The following INTS3 variants were observed in gnomAD, a reference collection of about 807,000 sequenced individuals.
The protein encoded by INTS3 is integrator complex subunit 3, also known as SOSS complex subunit A.
INTS3 carries 34 observed loss-of-function variants against 146.3 expected under a neutral mutation model. That is an observed-to-expected ratio of 0.23 (90% CI 0.18 to 0.31). The LOEUF (loss-of-function observed/expected upper bound fraction) is 0.31, where lower values mean the gene tolerates loss of function less well. INTS3 is among the 10% of genes least tolerant of loss of function. INTS3 has a pLI of 1.00. For missense variants in INTS3, 757 were observed against 1,304.2 expected (o/e 0.58, Z 6.46); for synonymous variants, 475 against 494.9 (o/e 0.96, Z 0.53).
chr1:153,754,178 AC>A (rs1672075890), intron 8 of INTS3, among the ~76,000 whole-genome samples: 1 of 152,152 alleles, frequency 6.6e-6, no homozygotes, highest in Non-Finnish European at 1.5e-5. Flanking sequence ...GGCACATCTC[AC>A]GCATGAGTGT....
intron 8 of INTS3, 73 bp downstream of exon 8, chr1:153,752,481 G>A (rs1671995306): frequency 2.0e-6 from 3 of 1,471,044 alleles, no homozygotes; most frequent in Non-Finnish European, 2.8e-6. Context: ...GAATCAAGAA[G>A]GTAGAGGTTG....
At chr1:153,770,887 GA>G (rs1482234016) in intron 25 of INTS3, among the ~76,000 whole-genome samples, 154 bp downstream of exon 25, 2 of 152,138 alleles carry the variant, frequency 1.3e-5, no homozygotes, top group Admixed American at 1.3e-4. Flanking sequence ...ACTTACAAAT[GA>G]GCAGCTCCCC....
Position 153,771,857 on chromosome 1 carries a change from A to G in INTS3, c.2614A>G (p.Thr872Ala). 1 of 1,614,058 alleles carries G rather than the reference A, an allele frequency of 6.2e-7. No homozygotes were observed. The highest frequency in any genetic ancestry group is 1.1e-5 in the South Asian group (1 of 91,076). ...GCCCTGCCATCCTGACGACCAGTTC[A>G]CCACCAGCATCCTGCGGCACTGGTG... ...SRPCHPDDQFTTSILRHWCMK... is the reference protein window; with the variant it reads ...SRPCHPDDQFATSILRHWCMK... The change falls in exon 26 of 30, where the codon ACC becomes GCC. Residue 872 changes from threonine (T) to alanine (A), a missense_variant. Thr to Ala is a moderately conservative substitution (Grantham distance 58). This residue lies in a region of INTS3 where 116 missense variants were observed against 226.5 expected (regional missense o/e 0.51). Transcript: ENST00000318967.
intron 1 of INTS3, 133 bp downstream of exon 1, chr1:153,728,917 C>G: frequency 3.3e-6 from 2 of 599,598 alleles, no homozygotes; most frequent in Non-Finnish European, 5.7e-6. Flanking sequence ...AACACAAACA[C>G]TGCTCCAGCT....
chr1:153,770,362 A>G (rs761852199), intron 24 of INTS3, 51 bp downstream of exon 24: 2 of 1,138,906 alleles, frequency 1.8e-6, no homozygotes, highest in Non-Finnish European at 2.7e-6. Context: ...CTTCCTATAC[A>G]GTTAGGGCAA....
intron 23 of INTS3, 142 bp from the exon 24 acceptor site, chr1:153,770,056 G>GGGGGT: frequency 2.2e-6 from 1 of 452,604 alleles, no homozygotes; most frequent in Non-Finnish European, 3.8e-6. Context: ...TCAGTGGATT[G>GGGGGT]GGGTGTGTGT....
intron 22 of INTS3, 90 bp downstream of exon 22, chr1:153,769,051 G>A: frequency 9.5e-7 from 1 of 1,054,362 alleles, no homozygotes; most frequent in Non-Finnish European, 1.5e-6. Context: ...CTGCAGACAG[G>A]GAGCCCATGC....
intron 2 of INTS3, 149 bp from the exon 3 acceptor site, chr1:153,741,136 C>T (rs1671519242): frequency 1.1e-5 from 8 of 696,838 alleles, no homozygotes; most frequent in Non-Finnish European, 1.8e-5. Flanking sequence ...TTAAAAATCT[C>T]TTTTAAGAGA....
At chr1:153,754,898 T>G (rs900238522) in intron 9 of INTS3, among the ~76,000 whole-genome samples, 159 bp downstream of exon 9, 3 of 152,248 alleles carry the variant, frequency 2.0e-5, no homozygotes, top group African/African-American at 7.2e-5. Flanking sequence ...CTTTATTCAT[T>G]CTGTGCCTAC....
At chr1:153,769,164 A>G (rs1270745693) in intron 22 of INTS3, among the ~76,000 whole-genome samples, 3 of 152,216 alleles carry the variant, frequency 2.0e-5, no homozygotes, top group South Asian at 2.1e-4. Context: ...GGTTAGGCCA[A>G]TCCTGCCTGG....
intron 25 of INTS3, among the ~76,000 whole-genome samples, chr1:153,771,300 A>G (rs1162864929): frequency 6.6e-6 from 1 of 151,870 alleles, no homozygotes; most frequent in Non-Finnish European, 1.5e-5. Context: ...CCTTCCTTCC[A>G]CCCTTTCTGC....
At chr1:153,766,638 GTTCC>G (rs1203962227) in intron 20 of INTS3, 1 of 149,202 alleles carries the variant, frequency 6.7e-6, no homozygotes, top group Non-Finnish European at 1.5e-5. Flanking sequence ...ATTCAAAAAT[GTTCC>G]TATTTTTAAT....
At chr1:153,734,128 A>G (rs1671197457) in intron 1 of INTS3, among the ~76,000 whole-genome samples, 1 of 151,934 alleles carries the variant, frequency 6.6e-6, no homozygotes, top group Non-Finnish European at 1.5e-5. Flanking sequence ...TAGAGATTGT[A>G]AATATTTACT....
At chr1:153,743,077 C>T (rs1370126925) in intron 3 of INTS3, among the ~76,000 whole-genome samples, 1 of 152,214 alleles carries the variant, frequency 6.6e-6, no homozygotes, top group African/African-American at 2.4e-5. Flanking sequence ...TGAGCCAGGT[C>T]AGAGCATGAT....
intron 3 of INTS3, among the ~76,000 whole-genome samples, chr1:153,742,510 G>C (rs868428427): frequency 6.6e-6 from 1 of 151,332 alleles, no homozygotes; most frequent in Non-Finnish European, 1.5e-5. Flanking sequence ...GTGTGTGTGC[G>C]TGCGCATCAT....
At chr1:153,739,449 TCTC>T (rs751273838) in intron 1 of INTS3, among the ~76,000 whole-genome samples, 5 of 151,736 alleles carry the variant, frequency 3.3e-5, no homozygotes, top group Non-Finnish European at 7.4e-5. Flanking sequence ...TTTAAGCAAT[TCTC>T]CTGCCTCAGC....
rs778543328 is a variant in INTS3, at chr1:153,760,812, C to T, written c.1318-15C>T. 6.2e-7 allele frequency: 1 copy of T among 1,605,722 alleles called. No individual in the cohort carries two copies. Among genetic ancestry groups the T allele is most frequent in the Non-Finnish European group, 8.5e-7 (1 of 1,172,562 alleles). On this transcript the variant is annotated splice_polypyrimidine_tract_variant and intron_variant, in intron 12 of 29. Transcript: ENST00000318967. Reference sequence around the variant, plus strand: ...GAGTCCTGTGCTCATTTTTCCCCTCCTTCTTCGCTTCCAGATCATTCCCAA... The same window carrying T: ...GAGTCCTGTGCTCATTTTTCCCCTCTTTCTTCGCTTCCAGATCATTCCCAA...
chr1:153,760,613 A>G (rs774177043), intron 12 of INTS3: 1 of 622,982 alleles, frequency 1.6e-6, no homozygotes, highest in Non-Finnish European at 2.8e-6. Flanking sequence ...AAGGATGGTG[A>G]CTCAAGGTAG....
intron 2 of INTS3, among the ~76,000 whole-genome samples, 194 bp from the exon 3 acceptor site, chr1:153,741,091 C>T (rs971424133): frequency 4.6e-5 from 7 of 152,096 alleles, no homozygotes; most frequent in Non-Finnish European, 5.9e-5. Context: ...CAGGTGTGCA[C>T]CACCACACCT....
Sources: gnomAD v4.1 joint callset for allele counts (sites outside exome capture counted in the v4.1 genomes callset) on GRCh38, gnomAD v4.1.1 for gene constraint, gnomAD v4.1.1 regional missense constraint, MANE v1.5 for transcripts, NCBI Gene and HGNC (gene_info 2026-07-23, HGNC 2026-07-21) for gene names.